Variants in ASB16 observed in about 807,000 individuals in gnomAD.
ASB16 encodes ankyrin repeat and SOCS box containing 16, also known as ankyrin repeat and SOCS box protein 16.
A neutral mutation model predicts 39.1 loss-of-function variants in ASB16; 44 were observed. The observed-to-expected ratio is 1.13, with a 90% CI of 0.88 to 1.45. ASB16 has a LOEUF of 1.45. ASB16 is among the 40% of genes most tolerant of loss of function. The pLI, the probability that ASB16 is intolerant of heterozygous loss-of-function variation, is 0.00. For missense variants in ASB16, 698 were observed against 634.5 expected (o/e 1.10, Z -1.07); for synonymous variants, 305 against 286.7 (o/e 1.06, Z -0.64).
intron 3 of ASB16, 42 bp from the exon 4 acceptor site, chr17:44,177,567 G>C: frequency 6.2e-7 from 1 of 1,600,654 alleles, no homozygotes; most frequent in Non-Finnish European, 8.5e-7. Flanking sequence ...TCTGCCCTCG[G>C]GTGGGGGAGG....
chr17:44,177,828 G>A (rs1280664260), intron 4 of ASB16, 106 bp downstream of exon 4: 1 of 1,480,364 alleles, frequency 6.8e-7, no homozygotes, highest in East Asian at 2.4e-5. Flanking sequence ...TGGGTAGAGA[G>A]GATGGGTAGA....
chr17:44,173,391 CAA>C (rs960017501), intron 2 of ASB16, among the ~76,000 whole-genome samples: 40 of 133,666 alleles, frequency 3.0e-4, no homozygotes, highest in African/African-American at 1.1e-3. Flanking sequence ...GACTCCATCT[CAA>C]AAAAAAAAAG....
At chr17:44,173,001 G>A (rs1432054032) in intron 2 of ASB16, among the ~76,000 whole-genome samples, 4 of 149,404 alleles carry the variant, frequency 2.7e-5, no homozygotes, top group Admixed American at 6.7e-5. Flanking sequence ...CTAGTAGGTC[G>A]AGGCACAAGA....
At position 44,171,039 on chromosome 17, in the gene ASB16, A is replaced by G. The variant is rs1334623183; in HGVS notation, c.250A>G (p.Asn84Asp). 1 of 1,614,066 alleles carries G rather than the reference A, an allele frequency of 6.2e-7. No homozygotes were observed. The highest frequency in any genetic ancestry group is 1.7e-5 in the Admixed American group (1 of 60,012). The change falls in exon 1 of 5, where the codon AAC becomes GAC. Residue 84 changes from asparagine to aspartate, a missense_variant. Transcript: ENST00000293414. ...QALFQDEEAA[N>D]MIVETVSNQL... is the part of the protein sequence containing the mutation. ...CCTGTTCCAAGATGAAGAGGCCGCC[A>G]ACATGATTGTGGAGACTGTGAGCAA...
At chr17:44,178,019 C>T (rs1449449450) in intron 4 of ASB16, among the ~76,000 whole-genome samples, 186 bp from the exon 5 acceptor site, 3 of 151,714 alleles carry the variant, frequency 2.0e-5, no homozygotes, top group African/African-American at 7.3e-5. Context: ...AGTGGAGACC[C>T]TTCCCTGAAG....
chr17:44,177,460 G>T, intron 3 of ASB16, 149 bp from the exon 4 acceptor site: 1 of 1,169,796 alleles, frequency 8.5e-7, no homozygotes, highest in Non-Finnish European at 1.2e-6. Flanking sequence ...ATACTTGAGG[G>T]TGGGGTAGAC....
intron 2 of ASB16, among the ~76,000 whole-genome samples, chr17:44,173,400 AAAG>A (rs1294443764): frequency 2.6e-5 from 4 of 152,002 alleles, no homozygotes; most frequent in African/African-American, 7.2e-5. Flanking sequence ...TCAAAAAAAA[AAAG>A]ACCTATGGGC....
rs548779196 is a variant in ASB16 at position 44,174,846 on chromosome 17, G to C, written c.570-1892G>C. ...AAGCCGGGCGTGGTGACTAACACCT[G>C]TAATCCCAGCACTTTGGGAGGCTGA... On this transcript the variant is annotated intron_variant, in intron 2 of 4. Transcript: ENST00000293414. 3.9e-5 allele frequency among the ~76,000 whole-genome samples: 6 copies of C among 152,270 alleles called. No individual in the cohort carries two copies. The South Asian group carries it at 1.0e-3, about 26-fold the overall frequency.
chr17:44,171,196 C>G lies in ASB16; in HGVS notation c.301+106C>G, dbSNP rs1454300779. On this transcript the variant is annotated intron_variant, in intron 1 of 4. Transcript: ENST00000293414. ...CTTCCCTGCAGACCACAGACTATAGCAGCCCTTTCCACCACCTATCCTAGC... is the reference window on the plus strand; with the variant it reads ...CTTCCCTGCAGACCACAGACTATAGGAGCCCTTTCCACCACCTATCCTAGC... 2.5e-6 allele frequency: 3 copies of G among 1,191,946 alleles called. No individual in the cohort carries two copies. In the African/African-American group the frequency reaches 4.6e-5, roughly 18 times the overall value. 73.8% of individuals were successfully genotyped at this position (1,191,946 alleles called of 1,614,324 possible).
rs753959435 is a variant in ASB16, at chr17:44,171,001, A to G, written c.212A>G (p.Gln71Arg). 6.2e-6 allele frequency: 10 copies of G among 1,613,930 alleles called. No individual in the cohort carries two copies. The Admixed American group carries it at 1.5e-4, about 24-fold the overall frequency. Residue 71 changes from glutamine (Q) to arginine (R), a missense_variant, in exon 1 of 5, where the codon CAG becomes CGG. Coordinates refer to ENST00000293414, the MANE Select transcript of ASB16 (RefSeq NM_080863.5). ...VHQALFSGNL[Q>R]QVQALFQDEE... ...CAAGCCCTCTTCTCCGGCAACCTGC[A>G]GCAGGTCCAAGCCCTGTTCCAAGAT...
chr17:44,174,102 C>T (rs953601676), intron 2 of ASB16, among the ~76,000 whole-genome samples: 3 of 150,684 alleles, frequency 2.0e-5, no homozygotes, highest in Admixed American at 6.6e-5. Flanking sequence ...TGTAGTGGCC[C>T]GATCTCGGCT....
intron 1 of ASB16, among the ~76,000 whole-genome samples, 185 bp downstream of exon 1, chr17:44,171,275 T>C (rs1263343900): frequency 2.0e-5 from 3 of 152,082 alleles, no homozygotes; most frequent in Non-Finnish European, 4.4e-5. Flanking sequence ...CTTTTAAGAA[T>C]TAAAAGTTGA....
chr17:44,178,374 A>AT lies in ASB16; in HGVS notation c.1346_1347insT (p.Glu449AspfsTer94). On this transcript the variant is annotated frameshift_variant, in exon 5 of 5. Transcript: ENST00000293414. LOFTEE classifies it high-confidence loss of function. ...AGGGACTACCTGCTGCTGCGTGTGG[A>AT]GGGGTGCATCCAGTGAACCCCATGT... 2 of 1,603,024 alleles carry AT rather than the reference A, an allele frequency of 1.2e-6. No individual in the cohort carries two copies. Among genetic ancestry groups the AT allele is most frequent in the Non-Finnish European group, 1.7e-6 (2 of 1,174,168 alleles).
At position 44,170,915 on chromosome 17, in the gene ASB16, G is replaced by A. The variant is rs760380688; in HGVS notation, c.126G>A (p.Pro42=). 75 of 1,612,500 alleles carry A rather than the reference G, an allele frequency of 4.7e-5. No homozygotes were observed. Among genetic ancestry groups the A allele is most frequent in the Middle Eastern group, 1.7e-4 (1 of 5,824 alleles). Residue 42 remains proline, a synonymous_variant, in exon 1 of 5, where the codon CCG becomes CCA. Transcript: ENST00000293414. ...AAQQCRSRRC[P]SSPRARLTRP... is the part of the protein sequence containing the mutation. ...AGCAGTGCCGGAGCCGCAGGTGCCC[G>A]TCAAGTCCCCGGGCCCGACTCACTA...
intron 1 of ASB16, among the ~76,000 whole-genome samples, chr17:44,171,380 A>G (rs533459177): frequency 6.6e-6 from 1 of 152,010 alleles, no homozygotes; most frequent in Non-Finnish European, 1.5e-5. Flanking sequence ...CCTGACCAAC[A>G]TGGTAAAACC....
rs768225675 is a variant in ASB16 at position 44,176,672 on chromosome 17, C to T, written c.570-66C>T. 13 of 1,612,148 alleles carry T rather than the reference C, an allele frequency of 8.1e-6. No homozygotes were observed. In the East Asian group the frequency reaches 1.3e-4, roughly 17 times the overall value. ...GAGGGGTGGAAAGGCAAGGGAGTGT[C>T]ACAGCAAGCTGAAGGGGTCCCAAGC... is the stretch of plus-strand genomic sequence containing the variant. On this transcript the variant is annotated intron_variant, in intron 2 of 4. Transcript: ENST00000293414.
chr17:44,173,834 G>C (rs2054263475), intron 2 of ASB16, among the ~76,000 whole-genome samples: 1 of 152,032 alleles, frequency 6.6e-6, no homozygotes, highest in African/African-American at 2.4e-5. Context: ...GGGAAGAGAG[G>C]TATGGGGGTG....
At chr17:44,177,297 T>G in intron 3 of ASB16, 67 bp downstream of exon 3, 1 of 1,461,350 alleles carries the variant, frequency 6.8e-7, no homozygotes, top group Non-Finnish European at 9.0e-7. Context: ...ACTGCTCCGC[T>G]TCTGGGGAAG....
intron 4 of ASB16, 138 bp downstream of exon 4, chr17:44,177,860 G>A: frequency 7.8e-7 from 1 of 1,283,878 alleles, no homozygotes; most frequent in Non-Finnish European, 1.1e-6. Context: ...GGGTTTCAGG[G>A]TACCCCCTCC....
Sources: gnomAD v4.1 joint callset for allele counts (sites outside exome capture counted in the v4.1 genomes callset) on GRCh38, gnomAD v4.1.1 for gene constraint, MANE v1.5 for transcripts, NCBI Gene and HGNC (gene_info 2026-07-23, HGNC 2026-07-21) for gene names.